Variants in PFKP observed in about 807,000 individuals in gnomAD.
PFKP encodes ATP-dependent 6-phosphofructokinase, platelet type.
A neutral mutation model predicts 94.3 loss-of-function variants in PFKP; 101 were observed. The observed-to-expected ratio is 1.07, with a 90% CI of 0.91 to 1.26. PFKP has a LOEUF of 1.26. PFKP is among the 50% of genes most tolerant of loss of function. The pLI is 0.00. For missense variants in PFKP, 1,145 were observed against 1,103.3 expected (o/e 1.04, Z -0.53); for synonymous variants, 573 against 432.6 (o/e 1.32, Z -4.03).
At chr10:3,134,997 T>G (rs1443094947) in intron 20 of PFKP, among the ~76,000 whole-genome samples, 5 of 152,244 alleles carry the variant, frequency 3.3e-5, no homozygotes, top group Non-Finnish European at 4.4e-5. Context: ...ATTGTTCATG[T>G]TTGTAGAACT....
intron 2 of PFKP, among the ~76,000 whole-genome samples, chr10:3,096,333 G>A (rs1295970693): frequency 2.0e-5 from 3 of 152,168 alleles, no homozygotes; most frequent in African/African-American, 7.2e-5. Flanking sequence ...ATCCTCTTCA[G>A]CAGGGTGGCG....
rs956838701 is a variant in PFKP at position 3,101,387 on chromosome 10, C to T, written c.287C>T (p.Ala96Val). ...CAGGGCGGGACGATCATTGGCAGTG[C>T]GCGGTGCCAGGCCTTCCGCACGCGG... is the stretch of plus-strand genomic sequence containing the variant. Reference protein sequence around the residue: ...LQVGGTIIGSARCQAFRTREG... With the variant: ...LQVGGTIIGSVRCQAFRTREG... The change falls in exon 4 of 22, where the codon GCG (alanine) becomes GTG (valine). Residue 96 changes from alanine to valine, a missense_variant. Around this residue, in one of 3 missense-constraint regions of PFKP, gnomAD observed 1,119 missense variants for 1,062.8 expected, o/e 1.05. Transcript: ENST00000381125. 1.1e-5 allele frequency: 18 copies of T among 1,594,538 alleles called. No individual in the cohort carries two copies. The highest frequency in any genetic ancestry group is 5.4e-5 in the African/African-American group (4 of 74,508).
intron 20 of PFKP, 73 bp from the exon 21 acceptor site, chr10:3,135,663 C>G (rs542759470): frequency 2.2e-5 from 20 of 892,136 alleles, no homozygotes; most frequent in Non-Finnish European, 3.6e-5. Context: ...GTTCTCATCT[C>G]GCCCCGTGAT....
rs1446950087 is a variant in PFKP, at chr10:3,113,501, G to A, written c.1354G>A (p.Gly452Ser). Residue 452 changes from glycine to serine, a missense_variant, in exon 13 of 22, where the codon GGC becomes AGC. This residue lies in a region of PFKP where 1,119 missense variants were observed against 1,062.8 expected (regional missense o/e 1.05). Transcript: ENST00000381125. The stretch of plus-strand genomic sequence containing the variant: ...GCTCGCCATCTATGATGGCTTTGAC[G>A]GCTTCGCCAAGGGCCAGGTGAGTCA... ...RMLAIYDGFD[G>S]FAKGQIKEIG... The A allele has an allele frequency of 4.3e-6, 7 of 1,612,872 alleles. No individual in the cohort carries two copies. Among genetic ancestry groups the A allele is most frequent in the East Asian group, 4.5e-5 (2 of 44,896 alleles).
intron 17 of PFKP, among the ~76,000 whole-genome samples, chr10:3,130,777 T>C (rs538021117): frequency 6.6e-6 from 1 of 152,232 alleles, no homozygotes; most frequent in African/African-American, 2.4e-5. Flanking sequence ...CAGGCTGGTC[T>C]CAAACTTCTG....
rs116158524 is a variant in PFKP, at chr10:3,136,339, C to A, written c.2226-111C>A. The A allele has an allele frequency of 7.4e-6, 8 of 1,075,246 alleles. No individual in the cohort carries two copies. The East Asian group carries it at 9.8e-5, about 13-fold the overall frequency. 66.6% of individuals were successfully genotyped at this position (1,075,246 alleles called of 1,614,324 possible). A position where few individuals can be genotyped will look rare whatever the true frequency, so the allele number is the denominator to read the frequency against. Reference sequence around the variant, plus strand: ...GGCTTTATCATCTAGTTGATTCAGCCGACCCTACAAACCCTGTGTTTCTGG... The same window carrying A: ...GGCTTTATCATCTAGTTGATTCAGCAGACCCTACAAACCCTGTGTTTCTGG... On this transcript the variant is annotated intron_variant, in intron 21 of 21. Transcript: ENST00000381125.
rs371646458 is a variant in PFKP at position 3,087,399 on chromosome 10, C to T, written c.186+4938C>T. ...ACGAGGTCTGGACAACCTTGTCTGG[C>T]GGGGACAGCGCCTCTTCCTGCCCCT... On this transcript the variant is annotated intron_variant, in intron 2 of 21. Transcript: ENST00000381125. 3.7e-3 allele frequency among the ~76,000 whole-genome samples: 557 copies of T among 152,160 alleles called. 1 individual carries two copies. Among genetic ancestry groups the T allele is most frequent in the Middle Eastern group, 6.8e-3 (2 of 294 alleles).
chr10:3,088,175 G>A (rs1209047862), intron 2 of PFKP, among the ~76,000 whole-genome samples: 1 of 109,776 alleles, frequency 9.1e-6, no homozygotes, highest in Non-Finnish European at 1.8e-5. Context: ...GCCCCGGTGT[G>A]TGATGTTCCC....
At position 3,115,474 on chromosome 10, in the gene PFKP, G is replaced by C. The variant is rs1184234127; in HGVS notation, c.1372-1302G>C. Among the ~76,000 whole-genome samples, 548 of 85,016 alleles carry C rather than the reference G, an allele frequency of 6.4e-3. 125 individuals are homozygous for C. Among genetic ancestry groups the C allele is most frequent in the Middle Eastern group, 0.019 (3 of 158 alleles). The allele number at this position is 85,016 out of a possible 152,430, so 55.8% of individuals were successfully genotyped here. A position where few individuals can be genotyped will look rare whatever the true frequency, so the allele number is the denominator to read the frequency against. On this transcript the variant is annotated intron_variant, in intron 13 of 21. Coordinates refer to ENST00000381125, the MANE Select transcript of PFKP (RefSeq NM_002627.5). ...GGGTGAAGGTGTGTGTCCCGCCATG[G>C]AGGACAGGACTGGGGATGCTGGGGT...
At chr10:3,083,570 A>T (rs535804876) in intron 2 of PFKP, among the ~76,000 whole-genome samples, 1 of 152,310 alleles carries the variant, frequency 6.6e-6, no homozygotes, top group Admixed American at 6.5e-5. Flanking sequence ...CACGTTCTGT[A>T]TACTGTGTTT....
chr10:3,078,503 T>G (rs1832777975), intron 1 of PFKP, among the ~76,000 whole-genome samples: 1 of 152,174 alleles, frequency 6.6e-6, no homozygotes, highest in African/African-American at 2.4e-5. Flanking sequence ...CAGTCTCCAC[T>G]CCCAGGCAAT....
At chr10:3,101,659 A>G in intron 4 of PFKP, 105 bp downstream of exon 4, 1 of 754,808 alleles carries the variant, frequency 1.3e-6, no homozygotes, top group Non-Finnish European at 2.1e-6. Flanking sequence ...CTCTTCTCAC[A>G]GATCTTACAG....
intron 3 of PFKP, among the ~76,000 whole-genome samples, chr10:3,099,888 G>A (rs1418566300): frequency 6.6e-6 from 1 of 151,190 alleles, no homozygotes; most frequent in African/African-American, 2.4e-5. Context: ...CTCGGTGTGT[G>A]TGTAACTGTG....
At position 3,094,716 on chromosome 10, in the gene PFKP, G is replaced by A. The variant is rs192665182; in HGVS notation, c.187-4559G>A. 2.4e-3 allele frequency among the ~76,000 whole-genome samples: 368 copies of A among 152,282 alleles called. 3 individuals are homozygous for A. The highest frequency in any genetic ancestry group is 8.3e-3 in the African/African-American group (343 of 41,544). ...CTTTCTCGCACACCTAGTTTGGAAC[G>A]CTGGTGTTTCCCAAGTCTAAGCCTA... On this transcript the variant is annotated intron_variant, in intron 2 of 21. Transcript: ENST00000381125.
intron 17 of PFKP, 47 bp from the exon 18 acceptor site, chr10:3,132,333 T>C: frequency 7.4e-7 from 1 of 1,350,226 alleles, no homozygotes; most frequent in Non-Finnish European, 1.1e-6. Flanking sequence ...ACACAGTAGG[T>C]ACTTAGTAGA....
At chr10:3,127,537 G>A (rs1291732052) in intron 16 of PFKP, among the ~76,000 whole-genome samples, 1 of 152,192 alleles carries the variant, frequency 6.6e-6, no homozygotes, top group Non-Finnish European at 1.5e-5. Flanking sequence ...ACCCGTGCCT[G>A]GGATTCTCTA....
intron 8 of PFKP, chr10:3,107,823 G>T (rs1431429029): frequency 8.1e-7 from 1 of 1,238,226 alleles, no homozygotes; most frequent in African/African-American, 1.6e-5. Context: ...CGTGCCCTGG[G>T]ACTTGCTCAG....
chr10:3,123,765 A>C (rs900652281), intron 16 of PFKP, among the ~76,000 whole-genome samples: 9 of 152,236 alleles, frequency 5.9e-5, no homozygotes, highest in African/African-American at 2.2e-4. Flanking sequence ...GTGCCCCGAC[A>C]TGAGTGTTGC....
chr10:3,073,941 G>A (rs1489079962), intron 1 of PFKP, among the ~76,000 whole-genome samples: 5 of 152,078 alleles, frequency 3.3e-5, no homozygotes, highest in African/African-American at 7.2e-5. Flanking sequence ...GAGTTCAAGC[G>A]ATTTTCCTGT....
Sources: allele counts gnomAD v4.1 joint callset (sites outside exome capture counted in the v4.1 genomes callset), GRCh38; gene constraint gnomAD v4.1.1; regional missense constraint gnomAD v4.1.1; transcripts MANE v1.5; gene names NCBI Gene and HGNC (gene_info 2026-07-23, HGNC 2026-07-21).